Variants in IMPG1 observed in about 807,000 individuals in gnomAD.
IMPG1 encodes interphotoreceptor matrix proteoglycan 1.
IMPG1 carries 85 observed loss-of-function variants against 92.0 expected under a neutral mutation model. The observed-to-expected ratio is 0.92, with a 90% confidence interval of 0.78 to 1.11. IMPG1 has a LOEUF of 1.11. Ranked by LOEUF, IMPG1 falls within the 50% of genes least tolerant of loss-of-function variation. The probability of loss-of-function intolerance (pLI) is 0.00; values close to 1 mark genes in which losing one functional copy is unlikely to be tolerated. For missense variants in IMPG1, 1,022 were observed against 956.0 expected, an observed-to-expected ratio of 1.07 and a Z score of -0.91; for synonymous variants, 367 against 334.1, an observed-to-expected ratio of 1.10 and a Z score of -1.08.
chr6:75,979,173 T>C (rs1190582628), intron 12 of IMPG1, among the ~76,000 whole-genome samples: 1 of 152,082 alleles, frequency 6.6e-6, no homozygotes, highest in African/African-American at 2.4e-5. Context: ...CACTTCAGCC[T>C]CCCAAAGTGC....
At chr6:75,953,871 T>C (rs1782075611) in intron 12 of IMPG1, among the ~76,000 whole-genome samples, 1 of 152,156 alleles carries the variant, frequency 6.6e-6, no homozygotes, top group Admixed American at 6.6e-5. Flanking sequence ...TGTTTGGTTT[T>C]CTGTTCTTGT....
chr6:76,066,046 A>G (rs978755980), intron 1 of IMPG1, among the ~76,000 whole-genome samples: 8 of 152,294 alleles, frequency 5.3e-5, no homozygotes, highest in African/African-American at 1.9e-4. Flanking sequence ...TGTCACCTCT[A>G]GACCACCCCT....
At chr6:76,051,048 G>T (rs999376704) in intron 1 of IMPG1, among the ~76,000 whole-genome samples, 2 of 151,878 alleles carry the variant, frequency 1.3e-5, no homozygotes, top group African/African-American at 4.8e-5. Context: ...ATAATTTGAG[G>T]AACAGAACTC....
intron 15 of IMPG1, 73 bp downstream of exon 15, chr6:75,930,880 A>T: frequency 7.6e-7 from 1 of 1,310,068 alleles, no homozygotes; most frequent in Non-Finnish European, 1.1e-6. Flanking sequence ...ATATGAATTT[A>T]CTCTAATGAT....
At chr6:75,946,354 A>G (rs1781929151) in intron 14 of IMPG1, among the ~76,000 whole-genome samples, 1 of 152,202 alleles carries the variant, frequency 6.6e-6, no homozygotes, top group African/African-American at 2.4e-5. Flanking sequence ...CATTTTGCCC[A>G]TGGCCTCTTC....
Position 76,024,962 on chromosome 6 carries a change from T to G in IMPG1, c.562+232A>C, listed in dbSNP as rs1348107898. 8 of 578,162 alleles carry G rather than the reference T, an allele frequency of 1.4e-5. No homozygotes were observed. In the African/African-American group the frequency reaches 1.5e-4, roughly 11 times the overall value. The allele number at this position is 578,162 out of a possible 1,614,324, so 35.8% of individuals were successfully genotyped here. On this transcript the variant is annotated intron_variant, in intron 5 of 16. Transcript: ENST00000369950. Reference sequence around the variant, plus strand: ...AATAGGCAGTAAATGTTCATGATGGTTGTTTCCAAACTGTAAGATATTGAA... The same window carrying G: ...AATAGGCAGTAAATGTTCATGATGGGTGTTTCCAAACTGTAAGATATTGAA...
chr6:76,012,005 A>G (rs1431232088), intron 7 of IMPG1, among the ~76,000 whole-genome samples: 1 of 152,030 alleles, frequency 6.6e-6, no homozygotes, highest in East Asian at 1.9e-4. Flanking sequence ...TATTTTAGCT[A>G]TGATATTTTC....
intron 12 of IMPG1, among the ~76,000 whole-genome samples, chr6:75,962,755 A>C (rs1782230328): frequency 6.6e-6 from 1 of 152,200 alleles, no homozygotes; most frequent in Non-Finnish European, 1.5e-5. Context: ...AATAATAATA[A>C]ATAAGCCTGA....
At position 75,974,384 on chromosome 6, in the gene IMPG1, T is replaced by C. The variant is rs1299275958; in HGVS notation, c.1292-23290A>G. ...CTTTCTTTCTTTCTTTCTTTCTTTC[T>C]TTCTTTCTTTTCTTTCTTTCCTTCC... On this transcript the variant is annotated intron_variant, in intron 12 of 16. Coordinates refer to ENST00000369950, the MANE Select transcript of IMPG1 (RefSeq NM_001563.4). Among the ~76,000 whole-genome samples the C allele has an allele frequency of 5.2e-3, 330 of 63,840 alleles. 5 individuals are homozygous for C. The highest frequency in any genetic ancestry group is 9.8e-3 in the African/African-American group (183 of 18,692). 41.9% of individuals were successfully genotyped at this position (63,840 alleles called of 152,430 possible).
chr6:75,931,311 T>C (rs12526917), intron 14 of IMPG1, among the ~76,000 whole-genome samples, 160 bp from the exon 15 acceptor site: 16,354 of 152,312 alleles, frequency 0.11, 1,046 homozygotes, highest in Middle Eastern at 0.17. Flanking sequence ...CCACATTCTG[T>C]ATCTTTGAAA....
At chr6:75,981,426 T>A (rs1359170694) in intron 12 of IMPG1, among the ~76,000 whole-genome samples, 1 of 152,194 alleles carries the variant, frequency 6.6e-6, no homozygotes, top group African/African-American at 2.4e-5. Context: ...CATCAAGGAG[T>A]GTCATTTGGG....
chr6:75,956,223 G>T (rs1199195723), intron 12 of IMPG1, among the ~76,000 whole-genome samples: 1 of 152,194 alleles, frequency 6.6e-6, no homozygotes, highest in East Asian at 1.9e-4. Context: ...AATCCATCCA[G>T]TCCTGGGCTT....
intron 1 of IMPG1, among the ~76,000 whole-genome samples, chr6:76,064,520 T>C (rs1291171720): frequency 3.9e-5 from 6 of 151,944 alleles, no homozygotes; most frequent in African/African-American, 1.5e-4. Flanking sequence ...GGAGCTGAGG[T>C]AGCTCCCTCT....
intron 15 of IMPG1, among the ~76,000 whole-genome samples, chr6:75,927,926 A>C (rs1781586854): frequency 6.6e-6 from 1 of 152,086 alleles, no homozygotes; most frequent in Admixed American, 6.5e-5. Flanking sequence ...GAGCACCACC[A>C]ACCTTTTTGA....
intron 12 of IMPG1, among the ~76,000 whole-genome samples, chr6:76,000,420 T>C (rs775862284): frequency 3.3e-5 from 5 of 152,268 alleles, no homozygotes; most frequent in Non-Finnish European, 5.9e-5. Context: ...TTTTATTTTC[T>C]CTTCCATTTT....
intron 1 of IMPG1, among the ~76,000 whole-genome samples, chr6:76,070,794 C>A (rs191098299): frequency 6.6e-6 from 1 of 151,670 alleles, no homozygotes; most frequent in East Asian, 1.9e-4. Flanking sequence ...GAGAGTGGAA[C>A]AATAGACACT....
rs1348537583 is a variant in IMPG1 at position 75,951,097 on chromosome 6, G to T, written c.1292-3C>A. On this transcript the variant is annotated splice_polypyrimidine_tract_variant and splice_region_variant and intron_variant, in intron 12 of 16. Transcript: ENST00000369950. ...AGCAGGTGGAGACCAAGAAGTGTCT[G>T]TGGAGGAAGTACAATTTCATTATGT... The T allele has an allele frequency of 1.9e-6, 3 of 1,583,136 alleles. No individual in the cohort carries two copies. The highest frequency in any genetic ancestry group is 2.6e-6 in the Non-Finnish European group (3 of 1,164,920).
chr6:75,967,916 T>C (rs1465610285), intron 12 of IMPG1, among the ~76,000 whole-genome samples: 1 of 152,196 alleles, frequency 6.6e-6, no homozygotes, highest in Non-Finnish European at 1.5e-5. Context: ...ATGGAACCCA[T>C]GAACCCTTTT....
In IMPG1 at chr6:75,951,003, ATCAG is replaced by A; in HGVS notation, c.1379_1382del (p.Thr460IlefsTer15). The A allele has an allele frequency of 6.2e-7, 1 of 1,613,922 alleles. No homozygotes were observed. Among genetic ancestry groups the A allele is most frequent in the Non-Finnish European group, 8.5e-7 (1 of 1,179,924 alleles). On this transcript the variant is annotated frameshift_variant, in exon 13 of 17. Transcript: ENST00000369950. LOFTEE classifies it high-confidence loss of function. ...TGGCCATTGTATCTGTGGTGCCTTG[ATCAG>A]TCAGAGAGAAGATGCTTGATGCCAT...
Sources: gnomAD v4.1 joint callset for allele counts (sites outside exome capture counted in the v4.1 genomes callset) on GRCh38, gnomAD v4.1.1 for gene constraint, MANE v1.5 for transcripts, NCBI Gene and HGNC (gene_info 2026-07-23, HGNC 2026-07-21) for gene names.